RGS12: variants seen among roughly 807,000 people sequenced by gnomAD.
RGS12 encodes regulator of G-protein signaling 12.
RGS12 carries 66 observed loss-of-function variants against 120.1 expected under a neutral mutation model. The observed-to-expected ratio is 0.55, with a 90% CI of 0.45 to 0.67. The LOEUF (loss-of-function observed/expected upper bound fraction) is 0.67, where lower values mean the gene tolerates loss of function less well. Ranked by LOEUF, RGS12 falls within the 30% of genes least tolerant of loss-of-function variation. The probability of loss-of-function intolerance (pLI) is 0.00; values close to 1 mark genes in which losing one functional copy is unlikely to be tolerated. For missense variants in RGS12, 1,859 were observed against 1,957.7 expected (o/e 0.95, Z 0.95); for synonymous variants, 827 against 804.7 (o/e 1.03, Z -0.47).
chr4:3,362,724 G>A lies in RGS12; in HGVS notation c.1998+19671G>A, dbSNP rs563372150. On this transcript the variant is annotated intron_variant, in intron 3 of 17. Coordinates refer to ENST00000336727, the MANE Select transcript of RGS12 (RefSeq NM_001394154.1). ...GTGTGTGAGGCTGTGTGAGGGTGAG[G>A]GTGCGAGGATGTCTGTGTGAGGGTG... Among the ~76,000 whole-genome samples the A allele has an allele frequency of 4.7e-3, 606 of 128,504 alleles. 4 individuals are homozygous for A. The highest frequency in any genetic ancestry group is 0.017 in the African/African-American group (566 of 32,960). The allele number at this position is 128,504 out of a possible 152,430, so 84.3% of individuals were successfully genotyped here.
Position 3,344,679 on chromosome 4 carries a change from TAGAC to T in RGS12, c.1998+1629_1998+1632del, listed in dbSNP as rs563576069. On this transcript the variant is annotated intron_variant, in intron 3 of 17. Transcript: ENST00000336727. ...GCCAGGGTCAGTGCCATGCTCCTGA[TAGAC>T]AGCTCCAGCGTCTAATCACTGGGTG... is the stretch of plus-strand genomic sequence containing the variant. 4.6e-5 allele frequency among the ~76,000 whole-genome samples: 7 copies of T among 152,376 alleles called. No individual in the cohort carries two copies. In the South Asian group the frequency reaches 8.3e-4, roughly 18 times the overall value.
At chr4:3,306,290 C>T (rs1007449874) in intron 1 of RGS12, among the ~76,000 whole-genome samples, 8 of 152,240 alleles carry the variant, frequency 5.3e-5, no homozygotes, top group African/African-American at 9.6e-5. Context: ...CATTGGGGGC[C>T]GCCTGGCAGT....
intron 4 of RGS12, among the ~76,000 whole-genome samples, chr4:3,393,529 A>C (rs1338646845): frequency 6.6e-6 from 1 of 151,690 alleles, no homozygotes; most frequent in Non-Finnish European, 1.5e-5. Context: ...TGGTTCATGG[A>C]GTGCCTCTGG....
chr4:3,423,537 C>T lies in RGS12; in HGVS notation c.3130C>T (p.Arg1044Trp), dbSNP rs200529636. 4.8e-5 allele frequency: 78 copies of T among 1,613,102 alleles called. No individual in the cohort carries two copies. The highest frequency in any genetic ancestry group is 1.6e-4 in the Middle Eastern group (1 of 6,062). Residue 1044 changes from arginine to tryptophan, a missense_variant, in exon 13 of 18, where the codon CGG becomes TGG. Physicochemically the swap from Arg to Trp is moderately radical, Grantham distance 101. Coordinates refer to ENST00000336727, the MANE Select transcript of RGS12 (RefSeq NM_001394154.1). ...LFRLDLVPIN[R>W]SVGLKAKPTK... ...CAGGCTGGATCTTGTTCCGATTAAC[C>T]GGTCAGTGGGACTCAAGGCCAAGCC...
chr4:3,421,982 G>A (rs762506514), intron 10 of RGS12, among the ~76,000 whole-genome samples: 3 of 152,232 alleles, frequency 2.0e-5, no homozygotes, highest in African/African-American at 4.8e-5. Flanking sequence ...CCATTGGAAC[G>A]ATGTGCATGG....
intron 4 of RGS12, among the ~76,000 whole-genome samples, chr4:3,388,905 G>A (rs1719157862): frequency 6.6e-6 from 1 of 152,226 alleles, no homozygotes; most frequent in Admixed American, 6.5e-5. Context: ...AATGCTCCCC[G>A]AGTTCCAAGG....
upstream of RGS12, among the ~76,000 whole-genome samples, chr4:3,291,442 G>C (rs1434174007): frequency 1.3e-5 from 2 of 150,716 alleles, no homozygotes; most frequent in Non-Finnish European, 2.9e-5. Context: ...CGCCTCCGGG[G>C]CTCAAGTGAT....
At chr4:3,348,685 G>A (rs563535446) in intron 3 of RGS12, among the ~76,000 whole-genome samples, 28 of 152,206 alleles carry the variant, frequency 1.8e-4, no homozygotes, top group Admixed American at 1.1e-3. Context: ...TTATACAGGC[G>A]GAAAACAGTG....
At chr4:3,290,411 A>G (rs896183167), upstream of RGS12, among the ~76,000 whole-genome samples, 4 of 152,038 alleles carry the variant, frequency 2.6e-5, no homozygotes, top group South Asian at 2.1e-4. Context: ...CCCTTCTACT[A>G]TCCGTCTCTA....
chr4:3,397,068 G>A (rs1312926265), intron 4 of RGS12, among the ~76,000 whole-genome samples: 1 of 152,214 alleles, frequency 6.6e-6, no homozygotes, highest in African/African-American at 2.4e-5. Context: ...CTGGATGAAT[G>A]ACCTCTATAA....
At chr4:3,437,188 G>T (rs976377360) in intron 17 of RGS12, among the ~76,000 whole-genome samples, 11 of 152,188 alleles carry the variant, frequency 7.2e-5, no homozygotes, top group African/African-American at 2.7e-4. Context: ...CTGCACAGGA[G>T]GGCGAGGCTG....
Position 3,429,052 on chromosome 4 carries a change from C to T in RGS12, c.3565+341C>T, listed in dbSNP as rs560400538. ...CACTGGCTTGTGCCAGGGTCCCCAGCGTGACTGGAGGCACAGTTAGCATTA... is the reference window on the plus strand; with the variant it reads ...CACTGGCTTGTGCCAGGGTCCCCAGTGTGACTGGAGGCACAGTTAGCATTA... On this transcript the variant is annotated intron_variant, in intron 16 of 17. Coordinates refer to ENST00000336727, the MANE Select transcript of RGS12 (RefSeq NM_001394154.1). Among the ~76,000 whole-genome samples, 34 of 152,350 alleles carry T rather than the reference C, an allele frequency of 2.2e-4. No homozygotes were observed. In the East Asian group the frequency reaches 5.8e-3, roughly 26 times the overall value.
At chr4:3,401,052 G>A (rs999158102) in intron 4 of RGS12, among the ~76,000 whole-genome samples, 6 of 152,046 alleles carry the variant, frequency 3.9e-5, no homozygotes, top group East Asian at 3.8e-4. Context: ...ATACAAAACC[G>A]AAAGCATAGC....
At position 3,374,208 on chromosome 4, in the gene RGS12, C is replaced by T. The variant is rs1418714779; in HGVS notation, c.1999-12208C>T. On this transcript the variant is annotated intron_variant, in intron 3 of 17. Coordinates refer to ENST00000336727, the MANE Select transcript of RGS12 (RefSeq NM_001394154.1). The surrounding 1 kb of genome is among the most constrained non-coding windows in gnomAD (Gnocchi z 6.3). Reference sequence around the variant, plus strand: ...CATCCTACGCATGATGCAGGGACCCCGGCCCTCCGCAGACAGCAGGAGCTG... The same window carrying T: ...CATCCTACGCATGATGCAGGGACCCTGGCCCTCCGCAGACAGCAGGAGCTG... 5.9e-5 allele frequency among the ~76,000 whole-genome samples: 9 copies of T among 152,258 alleles called. No homozygotes were observed. The highest frequency in any genetic ancestry group is 1.0e-4 in the Non-Finnish European group (7 of 68,040).
intron 3 of RGS12, among the ~76,000 whole-genome samples, chr4:3,370,652 G>T (rs1251803543): frequency 1.3e-5 from 2 of 152,244 alleles, no homozygotes; most frequent in African/African-American, 4.8e-5. Flanking sequence ...AGATTTGAAA[G>T]ATGTGAGTGA....
At chr4:3,415,560 G>A (rs866996193) in intron 6 of RGS12, among the ~76,000 whole-genome samples, 9 of 152,326 alleles carry the variant, frequency 5.9e-5, no homozygotes, top group Middle Eastern at 6.8e-3. Context: ...TGGGAGAGAC[G>A]CCTTGGCCTG....
Position 3,414,143 on chromosome 4 carries a change from G to A in RGS12, c.2092G>A (p.Val698Met), listed in dbSNP as rs772460923. The stretch of plus-strand genomic sequence containing the variant: ...GAGCAGCAATGCCAGCCTCCCCAGC[G>A]TGCAGAGCTGCCGGCGCCTGCGTGA... ...SLSSNASLPS[V>M]QSCRRLRERR... is the part of the protein sequence containing the mutation. Residue 698 changes from valine (V) to methionine (M), a missense_variant, in exon 5 of 18, where the codon GTG becomes ATG. By Grantham distance (21) the Val-to-Met change is conservative (BLOSUM62 1). Coordinates refer to ENST00000336727, the MANE Select transcript of RGS12 (RefSeq NM_001394154.1). 13 of 1,566,808 alleles carry A rather than the reference G, an allele frequency of 8.3e-6. No homozygotes were observed. The highest frequency in any genetic ancestry group is 7.0e-5 in the East Asian group (3 of 42,942).
intron 4 of RGS12, among the ~76,000 whole-genome samples, chr4:3,402,637 G>A (rs139922923): frequency 1.3e-4 from 19 of 142,874 alleles, no homozygotes; most frequent in African/African-American, 3.5e-4. Context: ...ATTGGGTGGC[G>A]TCCTCTGCGT....
At chr4:3,367,520 C>T (rs937354854) in intron 3 of RGS12, among the ~76,000 whole-genome samples, 1 of 152,272 alleles carries the variant, frequency 6.6e-6, no homozygotes, top group Non-Finnish European at 1.5e-5. Context: ...TCCATCCAAA[C>T]AAGGGAGGTG....
Sources: gnomAD v4.1 joint callset for allele counts (sites outside exome capture counted in the v4.1 genomes callset) on GRCh38, gnomAD v4.1.1 for gene constraint, Gnocchi (gnomAD v3.1) non-coding constraint, MANE v1.5 for transcripts, NCBI Gene and HGNC (gene_info 2026-07-23, HGNC 2026-07-21) for gene names.